KIF5C: variants seen among roughly 807,000 people sequenced by gnomAD.
KIF5C encodes kinesin family member 5C.
KIF5C carries 18 observed loss-of-function variants against 125.2 expected under a neutral mutation model. The ratio of observed to expected loss-of-function variants is 0.14; its 90% CI spans 0.10 to 0.21. The LOEUF (loss-of-function observed/expected upper bound fraction) is 0.21. KIF5C is among the 10% of genes least tolerant of loss of function. The pLI is 1.00. For missense variants in KIF5C, 780 were observed against 1,183.8 expected, an observed-to-expected ratio of 0.66 and a Z score of 5.01; for synonymous variants, 405 against 434.0, an observed-to-expected ratio of 0.93 and a Z score of 0.83.
chr2:148,882,773 A>G (rs151094739), intron 1 of KIF5C, among the ~76,000 whole-genome samples: 2,862 of 152,278 alleles, frequency 0.019, 45 homozygotes, highest in Non-Finnish European at 0.03. Context: ...AGCCAGGTGG[A>G]ATCAGCCCCT....
intron 10 of KIF5C, among the ~76,000 whole-genome samples, chr2:148,953,605 T>C (rs561262209): frequency 7.6e-4 from 116 of 152,292 alleles, no homozygotes; most frequent in African/African-American, 2.6e-3. Context: ...GTAATGAGTG[T>C]TCATTATATT....
Position 148,904,773 on chromosome 2 carries a change from CACAGAGGAAGGAGAA to C in KIF5C, c.127-17363_127-17349del, listed in dbSNP as rs1374809765. On this transcript the variant is annotated intron_variant, in intron 1 of 25. Coordinates refer to ENST00000435030, the MANE Select transcript of KIF5C (RefSeq NM_004522.3). The stretch of plus-strand genomic sequence containing the variant: ...AATTGTTAAGTCCTCTGAAGAGAGT[CACAGAGGAAGGAGAA>C]CTAACTCTAGTATTTAGTAGGAAAA... Among the ~76,000 whole-genome samples, 11 of 152,174 alleles carry C rather than the reference CACAGAGGAAGGAGAA, an allele frequency of 7.2e-5. No homozygotes were observed. In the East Asian group the frequency reaches 1.9e-3, roughly 27 times the overall value.
intron 15 of KIF5C, among the ~76,000 whole-genome samples, chr2:148,985,738 T>A (rs1681365608): frequency 2.6e-5 from 4 of 152,196 alleles, no homozygotes; most frequent in Admixed American, 2.6e-4. Context: ...GATTGTTAAA[T>A]ACTGGAAAAT....
intron 13 of KIF5C, among the ~76,000 whole-genome samples, chr2:148,979,861 A>G (rs1267878924): frequency 6.6e-6 from 1 of 152,232 alleles, no homozygotes. Flanking sequence ...TTTTTACTAC[A>G]TTGTGTGTTG....
rs190235840 is a variant in KIF5C, at chr2:148,958,050, A to T, written c.969-3921A>T. 1.3e-3 allele frequency among the ~76,000 whole-genome samples: 192 copies of T among 152,256 alleles called. 1 individual carries two copies. Among genetic ancestry groups the T allele is most frequent in the Middle Eastern group, 0.01 (3 of 292 alleles). ...GGTGTAGTAGTAGTTCATTTTTCACAGTTATATAGTATTCTATTGTATGAA... is the reference window on the plus strand; with the variant it reads ...GGTGTAGTAGTAGTTCATTTTTCACTGTTATATAGTATTCTATTGTATGAA... On this transcript the variant is annotated intron_variant, in intron 10 of 25. Transcript: ENST00000435030.
rs1205574810 is a variant in KIF5C, at chr2:148,988,168, TA to T, written c.1717-2839del. ...GCAGCAAACTGATTTTTTTTTTTTT[TA>T]AATAACAGTGTCCTGAAATTACTGG... On this transcript the variant is annotated intron_variant, in intron 15 of 25. Transcript: ENST00000435030. 5.9e-5 allele frequency among the ~76,000 whole-genome samples: 9 copies of T among 151,296 alleles called. No homozygotes were observed. The East Asian group carries it at 9.7e-4, about 16-fold the overall frequency.
chr2:148,981,896 A>G (rs1039701250), intron 14 of KIF5C, among the ~76,000 whole-genome samples: 1 of 152,220 alleles, frequency 6.6e-6, no homozygotes, highest in African/African-American at 2.4e-5. Flanking sequence ...CTTAGCTGAG[A>G]CAGTTAAGCT....
chr2:148,946,963 A>G lies in KIF5C; in HGVS notation c.654A>G (p.Val218=). ...IFLINIKQEN[V]ETEKKLSGKL... The stretch of plus-strand genomic sequence containing the variant: ...TGATAAATATTAAACAAGAGAATGT[A>G]GAGACTGAAAAAAAACTCAGTGGGA... Residue 218 remains valine, a synonymous_variant, in exon 8 of 26, where the codon GTA becomes GTG. Coordinates refer to ENST00000435030, the MANE Select transcript of KIF5C (RefSeq NM_004522.3). 1 of 1,613,528 alleles carries G rather than the reference A, an allele frequency of 6.2e-7. No homozygotes were observed. The highest frequency in any genetic ancestry group is 8.5e-7 in the Non-Finnish European group (1 of 1,179,752).
intron 2 of KIF5C, among the ~76,000 whole-genome samples, chr2:148,928,196 C>A (rs967175361): frequency 6.6e-6 from 1 of 152,098 alleles, no homozygotes; most frequent in African/African-American, 2.4e-5. Flanking sequence ...ATTCAGAGAA[C>A]CCCCTCTACC....
intron 2 of KIF5C, among the ~76,000 whole-genome samples, chr2:148,925,809 C>G (rs370847993): frequency 5.1e-4 from 77 of 152,300 alleles, no homozygotes; most frequent in African/African-American, 1.7e-3. Flanking sequence ...GATGGTGGCT[C>G]CTACACCTTG....
At chr2:148,939,344 C>A (rs1025766969) in intron 4 of KIF5C, among the ~76,000 whole-genome samples, 1 of 152,184 alleles carries the variant, frequency 6.6e-6, no homozygotes, top group Non-Finnish European at 1.5e-5. Flanking sequence ...TTGGCTAAAG[C>A]CTGCTTCTCC....
At chr2:148,976,014 G>A (rs67193795) in intron 12 of KIF5C, among the ~76,000 whole-genome samples, 32,094 of 152,088 alleles carry the variant, frequency 0.21, 3,895 homozygotes, top group South Asian at 0.3. Flanking sequence ...GAGACACAAT[G>A]TGAACAAGTT....
At chr2:149,000,871 A>G (rs1574828165) in intron 21 of KIF5C, 89 bp downstream of exon 21, 2 of 1,585,114 alleles carry the variant, frequency 1.3e-6, no homozygotes, top group East Asian at 4.5e-5. Context: ...TTATCCATGC[A>G]CACCTTTCTG....
At chr2:148,981,852 C>A (rs1178074160) in intron 14 of KIF5C, among the ~76,000 whole-genome samples, 1 of 152,174 alleles carries the variant, frequency 6.6e-6, no homozygotes. Flanking sequence ...CCAGAAAAGT[C>A]TTAGTTACAA....
intron 1 of KIF5C, among the ~76,000 whole-genome samples, chr2:148,917,079 AT>A: frequency 6.6e-6 from 1 of 152,260 alleles, no homozygotes; most frequent in East Asian, 1.9e-4. Flanking sequence ...GCCTTTGCCC[AT>A]TTTTAATTCC....
In KIF5C at chr2:149,024,650, A is replaced by C. The variant is rs1311043909; in HGVS notation, c.*1580A>C. On this transcript the variant is annotated 3_prime_UTR_variant, in exon 26 of 26. Coordinates refer to ENST00000435030, the MANE Select transcript of KIF5C (RefSeq NM_004522.3). ...AGCAAAGCAAACCTGCTTTGACTTA[A>C]TTTATTTGTTAAATGTTGCACTTTG... The C allele has an allele frequency of 6.6e-6, 1 of 152,260 alleles. No homozygotes were observed. Among genetic ancestry groups the C allele is most frequent in the African/African-American group, 2.4e-5 (1 of 41,296 alleles). The allele number at this position is 152,260 out of a possible 1,614,324, so 9.4% of individuals were successfully genotyped here.
intron 23 of KIF5C, among the ~76,000 whole-genome samples, chr2:149,008,750 C>T (rs1474358832): frequency 6.6e-6 from 1 of 151,988 alleles, no homozygotes; most frequent in African/African-American, 2.4e-5. Flanking sequence ...TGGAAACGGC[C>T]CAAGTTTTTA....
intron 21 of KIF5C, among the ~76,000 whole-genome samples, chr2:149,004,229 CCTT>C (rs1681939010): frequency 6.6e-6 from 1 of 152,202 alleles, no homozygotes; most frequent in African/African-American, 2.4e-5. Context: ...TAACAGAGAA[CCTT>C]TATTGCAAGA....
chr2:148,942,810 C>T, intron 7 of KIF5C, 50 bp downstream of exon 7: 1 of 1,576,090 alleles, frequency 6.3e-7, no homozygotes, highest in Non-Finnish European at 8.6e-7. Flanking sequence ...AGACAGATAT[C>T]TGCCCACCAA....
Sources: gnomAD v4.1 joint callset for allele counts (sites outside exome capture counted in the v4.1 genomes callset) on GRCh38, gnomAD v4.1.1 for gene constraint, MANE v1.5 for transcripts, NCBI Gene and HGNC (gene_info 2026-07-23, HGNC 2026-07-21) for gene names.